UBE2E3: variants seen among roughly 807,000 people sequenced by gnomAD.
UBE2E3 encodes ubiquitin conjugating enzyme E2 E3, also known as ubiquitin-conjugating enzyme E2 E3.
In UBE2E3, 5 loss-of-function variants were observed where a neutral mutation model predicts 23.6. The observed-to-expected ratio is 0.21, with a 90% CI of 0.11 to 0.44. The LOEUF (loss-of-function observed/expected upper bound fraction) is 0.44. Among genes scored for constraint, UBE2E3 ranks in the 20% least tolerant of loss-of-function variants. The probability of loss-of-function intolerance (pLI) is 0.99; values close to 1 mark genes in which losing one functional copy is unlikely to be tolerated. For synonymous variants in UBE2E3, 78 were observed against 87.5 expected, an observed-to-expected ratio of 0.89 and a Z score of 0.60; for missense variants, 81 against 249.8, an observed-to-expected ratio of 0.32 and a Z score of 4.55.
intron 3 of UBE2E3, among the ~76,000 whole-genome samples, chr2:180,998,896 G>A (rs989067488): frequency 6.6e-6 from 1 of 152,130 alleles, no homozygotes; most frequent in Non-Finnish European, 1.5e-5. Context: ...TAGGTTGTTT[G>A]TAAAATAACT....
intron 3 of UBE2E3, among the ~76,000 whole-genome samples, chr2:180,985,124 T>C (rs190655806): frequency 6.6e-6 from 1 of 152,264 alleles, no homozygotes; most frequent in Admixed American, 6.5e-5. Context: ...GTTAACTGGA[T>C]CCTCAGATAA....
intron 4 of UBE2E3, among the ~76,000 whole-genome samples, chr2:181,060,197 T>C (rs1210146062): frequency 1.3e-5 from 2 of 151,764 alleles, no homozygotes; most frequent in African/African-American, 4.8e-5. Flanking sequence ...TTCTAACGTT[T>C]GGTAAGAAAT....
At chr2:181,050,322 C>A (rs1250495036) in intron 3 of UBE2E3, among the ~76,000 whole-genome samples, 2 of 151,786 alleles carry the variant, frequency 1.3e-5, no homozygotes, top group African/African-American at 2.4e-5. Context: ...AATTTTATAT[C>A]ATTTTGTTTT....
At chr2:181,050,741 T>C (rs557041182) in intron 3 of UBE2E3, among the ~76,000 whole-genome samples, 15 of 151,980 alleles carry the variant, frequency 9.9e-5, no homozygotes, top group African/African-American at 3.6e-4. Flanking sequence ...GTTTCTCATC[T>C]GTGAAATTGT....
At chr2:181,023,630 A>G (rs962811251) in intron 3 of UBE2E3, among the ~76,000 whole-genome samples, 1 of 152,084 alleles carries the variant, frequency 6.6e-6, no homozygotes, top group African/African-American at 2.4e-5. Flanking sequence ...TACTCTGACA[A>G]CCTCGAAGGA....
intron 3 of UBE2E3, among the ~76,000 whole-genome samples, chr2:181,048,346 A>G (rs1185906132): frequency 6.6e-6 from 1 of 152,184 alleles, no homozygotes; most frequent in Non-Finnish European, 1.5e-5. Flanking sequence ...TCCTTAATGA[A>G]TGAATGAATT....
At chr2:180,987,326 T>C (rs1176991175) in intron 3 of UBE2E3, 1 of 1,549,452 alleles carries the variant, frequency 6.5e-7, no homozygotes, top group Non-Finnish European at 8.7e-7. Flanking sequence ...TTACTTTCCA[T>C]CTGTTTCCCA....
At chr2:180,994,737 C>A (rs1574163014) in intron 3 of UBE2E3, among the ~76,000 whole-genome samples, 1 of 152,020 alleles carries the variant, frequency 6.6e-6, no homozygotes, top group Non-Finnish European at 1.5e-5. Context: ...AAGAAACTTG[C>A]AGGTGAATGG....
intron 3 of UBE2E3, among the ~76,000 whole-genome samples, chr2:181,040,732 A>G (rs1361258458): frequency 6.6e-6 from 1 of 152,234 alleles, no homozygotes; most frequent in Non-Finnish European, 1.5e-5. Context: ...ATCACTTTTT[A>G]GTAGCTATGG....
At chr2:181,021,356 T>C (rs1685664312) in intron 3 of UBE2E3, among the ~76,000 whole-genome samples, 1 of 139,808 alleles carries the variant, frequency 7.2e-6, no homozygotes, top group Non-Finnish European at 1.6e-5. Context: ...TCTTTTCTCT[T>C]CTTTTTTTTT....
chr2:181,060,535 C>A, intron 4 of UBE2E3, 130 bp from the exon 5 acceptor site: 1 of 1,000,100 alleles, frequency 1.0e-6, no homozygotes, highest in Non-Finnish European at 1.3e-6. Flanking sequence ...GTTATTAAAC[C>A]TAATCTAAGT....
intron 3 of UBE2E3, among the ~76,000 whole-genome samples, chr2:181,034,179 A>G (rs867386035): frequency 6.6e-6 from 1 of 152,226 alleles, no homozygotes; most frequent in African/African-American, 2.4e-5. Flanking sequence ...ATTACTGGGT[A>G]TATACCCAAA....
At chr2:180,992,974 A>G (rs537131348) in intron 3 of UBE2E3, among the ~76,000 whole-genome samples, 2 of 152,322 alleles carry the variant, frequency 1.3e-5, no homozygotes, top group African/African-American at 2.4e-5. Flanking sequence ...CCACATTTAT[A>G]TATTTCATTT....
At chr2:180,981,887 GATGAA>G in intron 1 of UBE2E3, 126 bp from the exon 2 acceptor site, 1 of 674,408 alleles carries the variant, frequency 1.5e-6, no homozygotes, top group East Asian at 2.8e-5. Context: ...CCTGTTGTAC[GATGAA>G]ATAAGTGTGA....
intron 3 of UBE2E3, among the ~76,000 whole-genome samples, chr2:181,049,738 T>G (rs1183317977): frequency 6.6e-6 from 1 of 152,048 alleles, no homozygotes; most frequent in Non-Finnish European, 1.5e-5. Flanking sequence ...ATCAGTCTTT[T>G]TATATGTACA....
At chr2:181,057,945 A>G (rs1687031777) in intron 4 of UBE2E3, 120 bp downstream of exon 4, 2 of 1,098,114 alleles carry the variant, frequency 1.8e-6, no homozygotes, top group Non-Finnish European at 2.5e-6. Flanking sequence ...ATGGATTGAT[A>G]TGGAAATTTT....
At chr2:181,007,760 A>G (rs183633236) in intron 3 of UBE2E3, among the ~76,000 whole-genome samples, 2 of 152,338 alleles carry the variant, frequency 1.3e-5, no homozygotes, top group East Asian at 1.9e-4. Context: ...CTAGTGCTGG[A>G]CAGGAGAACT....
chr2:181,044,376 G>C (rs2105465843), intron 3 of UBE2E3, among the ~76,000 whole-genome samples: 1 of 152,224 alleles, frequency 6.6e-6, no homozygotes, highest in South Asian at 2.1e-4. Flanking sequence ...TATATAGTTT[G>C]TATTATCTAT....
chr2:181,018,594 C>CTG (rs1297636936), intron 3 of UBE2E3, among the ~76,000 whole-genome samples: 2 of 117,040 alleles, frequency 1.7e-5, no homozygotes, highest in South Asian at 2.8e-4. Flanking sequence ...GTTTCAATTT[C>CTG]TGTGTTTTTT....
Sources: gnomAD v4.1 joint callset for allele counts (sites outside exome capture counted in the v4.1 genomes callset) on GRCh38, gnomAD v4.1.1 for gene constraint, MANE v1.5 for transcripts, NCBI Gene and HGNC (gene_info 2026-07-23, HGNC 2026-07-21) for gene names.